MFN1: variants seen among roughly 807,000 people sequenced by gnomAD.
MFN1 encodes mitofusin 1.
MFN1 carries 65 observed loss-of-function variants against 92.4 expected under a neutral mutation model. The ratio of observed to expected loss-of-function variants is 0.70; its 90% confidence interval spans 0.58 to 0.86. The LOEUF (loss-of-function observed/expected upper bound fraction) is 0.86, where lower values mean the gene tolerates loss of function less well. Ranked by LOEUF, MFN1 falls within the 40% of genes least tolerant of loss-of-function variation. The probability of loss-of-function intolerance (pLI) is 0.00; values close to 1 mark genes in which losing one functional copy is unlikely to be tolerated. For synonymous variants in MFN1, 297 were observed against 300.9 expected, an observed-to-expected ratio of 0.99 and a Z score of 0.13; for missense variants, 781 against 868.0, an observed-to-expected ratio of 0.90 and a Z score of 1.26.
Position 179,394,540 on chromosome 3 carries a change from C to G in MFN1, c.*2481C>G, listed in dbSNP as rs547096499. On this transcript the variant is annotated 3_prime_UTR_variant, in exon 18 of 18. Transcript: ENST00000471841. ...ACGCCATTCTCCTGCCTCAGCCTCC[C>G]GAGTAGCTGGGACTACAGGCGCCCG... 1 of 148,884 alleles carries G rather than the reference C, an allele frequency of 6.7e-6. No homozygotes were observed. Among genetic ancestry groups the G allele is most frequent in the Non-Finnish European group, 1.5e-5 (1 of 67,128 alleles). The allele number at this position is 148,884 out of a possible 1,614,324, so 9.2% of individuals were successfully genotyped here.
At chr3:179,383,010 C>T (rs1360664778) in intron 14 of MFN1, among the ~76,000 whole-genome samples, 3 of 152,088 alleles carry the variant, frequency 2.0e-5, no homozygotes, top group African/African-American at 7.2e-5. Flanking sequence ...TTCTCCCATT[C>T]TGTAGGTTGC....
chr3:179,377,679 A>G (rs111871234), intron 12 of MFN1, among the ~76,000 whole-genome samples: 2,213 of 152,326 alleles, frequency 0.015, 61 homozygotes, highest in African/African-American at 0.051. Context: ...CATGCCTGTA[A>G]TCTCAACACT....
intron 3 of MFN1, among the ~76,000 whole-genome samples, chr3:179,355,178 A>G (rs1329644468): frequency 6.6e-6 from 1 of 152,072 alleles, no homozygotes; most frequent in Non-Finnish European, 1.5e-5. Flanking sequence ...ATATACATAT[A>G]ATATATATAT....
At chr3:179,352,998 C>T (rs113325338) in intron 3 of MFN1, among the ~76,000 whole-genome samples, 26,301 of 151,512 alleles carry the variant, frequency 0.17, 2,374 homozygotes, top group Admixed American at 0.24. Flanking sequence ...GTGATCCACC[C>T]GCCTTGGCCT....
intron 5 of MFN1, among the ~76,000 whole-genome samples, chr3:179,363,526 G>C (rs1212577264): frequency 1.3e-5 from 2 of 150,758 alleles, no homozygotes; most frequent in Non-Finnish European, 2.9e-5. Flanking sequence ...GGGTCTTGCT[G>C]TGTTGCCCAG....
At chr3:179,374,834 A>G (rs1461430357) in intron 9 of MFN1, among the ~76,000 whole-genome samples, 1 of 152,248 alleles carries the variant, frequency 6.6e-6, no homozygotes, top group African/African-American at 2.4e-5. Flanking sequence ...ACTAGGTTAT[A>G]TCTTTTGCAA....
In MFN1 at chr3:179,392,089, G is replaced by A. The variant is rs1251749982; in HGVS notation, c.*30G>A. The A allele has an allele frequency of 7.1e-6, 10 of 1,402,300 alleles. No homozygotes were observed. Among genetic ancestry groups the A allele is most frequent in the Non-Finnish European group, 1.0e-5 (10 of 1,000,428 alleles). The allele number at this position is 1,402,300 out of a possible 1,614,324, so 86.9% of individuals were successfully genotyped here. On this transcript the variant is annotated 3_prime_UTR_variant, in exon 18 of 18. Coordinates refer to ENST00000471841, the MANE Select transcript of MFN1 (RefSeq NM_033540.3). ...AGAGATTGCTTTGGTGACCATGATAGGAGGAAACGAAACTTGTAAGATTGG... is the reference window on the plus strand; with the variant it reads ...AGAGATTGCTTTGGTGACCATGATAAGAGGAAACGAAACTTGTAAGATTGG...
chr3:179,350,739 G>A (rs1712112682), intron 2 of MFN1, among the ~76,000 whole-genome samples: 1 of 152,226 alleles, frequency 6.6e-6, no homozygotes, highest in African/African-American at 2.4e-5. Context: ...TTTTATTAAT[G>A]CGTTAGAAAA....
intron 2 of MFN1, among the ~76,000 whole-genome samples, chr3:179,350,107 C>T (rs948878822): frequency 5.9e-5 from 9 of 151,528 alleles, no homozygotes; most frequent in East Asian, 2.0e-4. Context: ...GAACCGAAGT[C>T]GCCCACTGCA....
At chr3:179,366,891 G>T (rs1560194025) in intron 7 of MFN1, among the ~76,000 whole-genome samples, 2 of 152,104 alleles carry the variant, frequency 1.3e-5, no homozygotes, top group South Asian at 4.1e-4. Flanking sequence ...CAATTCTAAT[G>T]CCTGGTTAAT....
intron 10 of MFN1, among the ~76,000 whole-genome samples, chr3:179,375,919 C>T (rs770061442): frequency 1.3e-5 from 2 of 152,084 alleles, no homozygotes; most frequent in African/African-American, 2.4e-5. Context: ...CCAGCATTAT[C>T]GATACAAAGT....
chr3:179,368,171 T>C, intron 9 of MFN1, 68 bp downstream of exon 9: 1 of 1,218,958 alleles, frequency 8.2e-7, no homozygotes, highest in Admixed American at 2.4e-5. Flanking sequence ...CATAATCTTC[T>C]ATTTTTATCC....
At chr3:179,370,648 G>A (rs138469678) in intron 9 of MFN1, among the ~76,000 whole-genome samples, 5 of 152,186 alleles carry the variant, frequency 3.3e-5, no homozygotes, top group African/African-American at 9.6e-5. Context: ...CTGACCTCAT[G>A]ATCCACCCGC....
intron 9 of MFN1, among the ~76,000 whole-genome samples, chr3:179,372,335 TGTTG>T (rs1229411951): frequency 1.3e-5 from 2 of 151,238 alleles, no homozygotes; most frequent in African/African-American, 4.8e-5. Context: ...TTGACAAGTT[TGTTG>T]GTTTTATGTT....
In MFN1 at chr3:179,393,654, T is replaced by C. The variant is rs1179013443; in HGVS notation, c.*1595T>C. ...TGCTCATTTATAACCCAAGAAATGG[T>C]ACAGACCACAGTAAGTGGGATTAGG... On this transcript the variant is annotated 3_prime_UTR_variant, in exon 18 of 18. Transcript: ENST00000471841. 6.6e-6 allele frequency: 1 copy of C among 152,220 alleles called. No homozygotes were observed. The highest frequency in any genetic ancestry group is 1.5e-5 in the Non-Finnish European group (1 of 68,046). 9.4% of individuals were successfully genotyped at this position (152,220 alleles called of 1,614,324 possible).
At chr3:179,382,153 T>C (rs7644200) in intron 14 of MFN1, among the ~76,000 whole-genome samples, 26,373 of 152,100 alleles carry the variant, frequency 0.17, 2,377 homozygotes, top group Admixed American at 0.24. Context: ...ACATGTGCCA[T>C]GTTAGTGTGC....
intron 4 of MFN1, among the ~76,000 whole-genome samples, chr3:179,360,561 A>T (rs528581285): frequency 1.8e-4 from 27 of 152,260 alleles, no homozygotes; most frequent in South Asian, 4.1e-4. Context: ...AAAAAAAAAA[A>T]AAATAAAAGG....
At position 179,378,288 on chromosome 3, in the gene MFN1, AAC is replaced by A; in HGVS notation, c.1330-52_1330-51del. On this transcript the variant is annotated intron_variant, in intron 12 of 17. Coordinates refer to ENST00000471841, the MANE Select transcript of MFN1 (RefSeq NM_033540.3). ...ACTGAATATTTTATGTCTTTATAAA[AAC>A]TACATACTTTCTGGAGAAAAAATAA... is the stretch of plus-strand genomic sequence containing the variant. The A allele has an allele frequency of 3.0e-6, 4 of 1,336,232 alleles. No homozygotes were observed. The South Asian group carries it at 3.9e-5, about 13-fold the overall frequency. 82.8% of individuals were successfully genotyped at this position (1,336,232 alleles called of 1,614,324 possible). A position where few individuals can be genotyped will look rare whatever the true frequency, so the allele number is the denominator to read the frequency against.
Position 179,392,154 on chromosome 3 carries a change from T to C in MFN1, c.*95T>C. On this transcript the variant is annotated 3_prime_UTR_variant, in exon 18 of 18. Transcript: ENST00000471841. Reference sequence around the variant, plus strand: ...TTATGAAATTACTTTAAATATGAATTGTACTAACTGTACCTAAATAGCAAA... The same window carrying C: ...TTATGAAATTACTTTAAATATGAATCGTACTAACTGTACCTAAATAGCAAA... 1 of 757,122 alleles carries C rather than the reference T, an allele frequency of 1.3e-6. No homozygotes were observed. Among genetic ancestry groups the C allele is most frequent in the Non-Finnish European group, 2.2e-6 (1 of 449,246 alleles). The allele number at this position is 757,122 out of a possible 1,614,324, so 46.9% of individuals were successfully genotyped here.
Sources: allele counts gnomAD v4.1 joint callset (sites outside exome capture counted in the v4.1 genomes callset), GRCh38; gene constraint gnomAD v4.1.1; transcripts MANE v1.5; gene names NCBI Gene and HGNC (gene_info 2026-07-23, HGNC 2026-07-21).